Variants in GLT1D1 observed in about 807,000 individuals in gnomAD.
The protein encoded by GLT1D1 is glycosyltransferase 1 domain containing 1.
In GLT1D1, 21 loss-of-function variants were observed where a neutral mutation model predicts 28.7. That is an observed-to-expected ratio of 0.73 (90% CI 0.52 to 1.05). The LOEUF (loss-of-function observed/expected upper bound fraction) is 1.05, where lower values mean the gene tolerates loss of function less well. Among genes scored for constraint, GLT1D1 ranks in the 50% least tolerant of loss-of-function variants. The pLI, the probability that GLT1D1 is intolerant of heterozygous loss-of-function variation, is 0.00. For missense variants in GLT1D1, 343 were observed against 330.6 expected (o/e 1.04, Z -0.29); for synonymous variants, 147 against 124.8 (o/e 1.18, Z -1.19).
Position 128,899,284 on chromosome 12 carries a change from G to T in GLT1D1, c.372G>T (p.Gln124His), listed in dbSNP as rs1276196383. ...CAATGAAGGAAATGGCACAAGCGCA[G>T]TGGGTATGTGTTTATCTGGTGTTGT... is the stretch of plus-strand genomic sequence containing the variant. Residue 124 changes from glutamine to histidine, a missense_variant, in exon 4 of 8, where the codon CAG (glutamine) becomes CAT (histidine). Physicochemically the swap from Gln to His is conservative, Grantham distance 24 (BLOSUM62 0). Transcript: ENST00000281703. The T allele has an allele frequency of 6.2e-7, 1 of 1,612,990 alleles. No homozygotes were observed. Among genetic ancestry groups the T allele is most frequent in the Admixed American group, 1.7e-5 (1 of 59,988 alleles).
At chr12:128,978,438 C>T (rs994912220) in intron 7 of GLT1D1, among the ~76,000 whole-genome samples, 3 of 152,186 alleles carry the variant, frequency 2.0e-5, no homozygotes, top group Non-Finnish European at 4.4e-5. Flanking sequence ...CTGTGTGCGG[C>T]ATCGTCCTGA....
At chr12:128,923,511 C>T (rs913709572) in intron 4 of GLT1D1, among the ~76,000 whole-genome samples, 2 of 151,556 alleles carry the variant, frequency 1.3e-5, no homozygotes, top group Non-Finnish European at 2.9e-5. Flanking sequence ...GTCTGGATCC[C>T]TCACTTTTTT....
chr12:128,914,004 A>C (rs985808360), intron 4 of GLT1D1, among the ~76,000 whole-genome samples: 3 of 152,192 alleles, frequency 2.0e-5, no homozygotes, highest in African/African-American at 7.2e-5. Flanking sequence ...TGTCAGTATG[A>C]TTCAGTGTGA....
chr12:128,871,750 T>G (rs894132250), intron 1 of GLT1D1, among the ~76,000 whole-genome samples: 1 of 152,134 alleles, frequency 6.6e-6, no homozygotes, highest in Non-Finnish European at 1.5e-5. Flanking sequence ...CTTCTTTGTT[T>G]TACTCATGAT....
chr12:128,856,624 C>G (rs1360394855), intron 1 of GLT1D1, among the ~76,000 whole-genome samples: 1 of 152,052 alleles, frequency 6.6e-6, no homozygotes, highest in African/African-American at 2.4e-5. Flanking sequence ...GTGTGAGAAG[C>G]AGAAAGGCAG....
At chr12:128,933,286 C>A (rs1490527609) in intron 4 of GLT1D1, among the ~76,000 whole-genome samples, 2 of 152,282 alleles carry the variant, frequency 1.3e-5, no homozygotes, top group Admixed American at 1.3e-4. Context: ...AGGCGGCGCC[C>A]GTGCGCAGGC....
intron 5 of GLT1D1, among the ~76,000 whole-genome samples, chr12:128,946,799 C>G (rs1876161712): frequency 6.6e-6 from 1 of 151,856 alleles, no homozygotes; most frequent in African/African-American, 2.4e-5. Flanking sequence ...CAGGTGCGCA[C>G]CACCACGCCT....
chr12:128,978,825 C>T (rs1012154267), intron 7 of GLT1D1, among the ~76,000 whole-genome samples: 2 of 152,092 alleles, frequency 1.3e-5, no homozygotes, highest in East Asian at 1.9e-4. Flanking sequence ...TTATTCATGT[C>T]TCCCCTGTTT....
chr12:128,935,316 C>T (rs1388315610), intron 4 of GLT1D1, among the ~76,000 whole-genome samples: 1 of 151,950 alleles, frequency 6.6e-6, no homozygotes, highest in Admixed American at 6.6e-5. Flanking sequence ...CTGAGGTGGG[C>T]GGATCGCTTG....
At chr12:128,867,413 A>AAAC in intron 1 of GLT1D1, among the ~76,000 whole-genome samples, 3 of 141,538 alleles carry the variant, frequency 2.1e-5, no homozygotes, top group African/African-American at 8.1e-5. Flanking sequence ...AAAAAAAAAA[A>AAAC]AAACAGAAAA....
intron 7 of GLT1D1, among the ~76,000 whole-genome samples, chr12:128,966,167 G>T (rs1419751891): frequency 1.3e-5 from 2 of 152,248 alleles, no homozygotes; most frequent in Admixed American, 6.5e-5. Context: ...GCGGCTGGGA[G>T]TAGGAGTCCC....
intron 2 of GLT1D1, among the ~76,000 whole-genome samples, chr12:128,880,592 T>G (rs1957009602): frequency 6.6e-6 from 1 of 152,230 alleles, no homozygotes; most frequent in Non-Finnish European, 1.5e-5. Flanking sequence ...TCTGGGGACC[T>G]TCTCTGCACC....
At chr12:128,966,242 G>C (rs751873609) in intron 7 of GLT1D1, among the ~76,000 whole-genome samples, 1 of 152,208 alleles carries the variant, frequency 6.6e-6, no homozygotes, top group Admixed American at 6.5e-5. Flanking sequence ...CTGAGAGGGC[G>C]TGCATACCAG....
At chr12:128,858,670 C>CA (rs139166927) in intron 1 of GLT1D1, among the ~76,000 whole-genome samples, 7,332 of 113,592 alleles carry the variant, frequency 0.065, 475 homozygotes, top group African/African-American at 0.19. Context: ...GACTCAGTCT[C>CA]AAAAAAAAAA....
intron 4 of GLT1D1, among the ~76,000 whole-genome samples, chr12:128,937,024 A>G: frequency 6.6e-6 from 1 of 152,226 alleles, no homozygotes; most frequent in East Asian, 1.9e-4. Flanking sequence ...TAAGTTTTAG[A>G]TAAAGTGTTT....
chr12:128,949,842 A>G (rs1359223884), intron 6 of GLT1D1, among the ~76,000 whole-genome samples: 1 of 152,094 alleles, frequency 6.6e-6, no homozygotes, highest in East Asian at 1.9e-4. Flanking sequence ...GCACATGCAC[A>G]CGCACGTACA....
At chr12:128,887,433 T>C (rs1868521227) in intron 2 of GLT1D1, among the ~76,000 whole-genome samples, 1 of 152,080 alleles carries the variant, frequency 6.6e-6, no homozygotes, top group Non-Finnish European at 1.5e-5. Context: ...CTTTTGTTTT[T>C]GTGCAAGCAT....
chr12:128,966,086 A>G (rs907252592), intron 7 of GLT1D1, among the ~76,000 whole-genome samples: 1 of 152,238 alleles, frequency 6.6e-6, no homozygotes, highest in African/African-American at 2.4e-5. Context: ...GGGGATTCAT[A>G]GGGTCTTACT....
chr12:128,884,704 C>G (rs567361300), intron 2 of GLT1D1, among the ~76,000 whole-genome samples: 7 of 152,110 alleles, frequency 4.6e-5, no homozygotes, highest in Non-Finnish European at 8.8e-5. Flanking sequence ...ATCCCAGCTA[C>G]TTGGGAGGCT....
Sources: gnomAD v4.1 joint callset for allele counts (sites outside exome capture counted in the v4.1 genomes callset) on GRCh38, gnomAD v4.1.1 for gene constraint, MANE v1.5 for transcripts, NCBI Gene and HGNC (gene_info 2026-07-23, HGNC 2026-07-21) for gene names.